Variants in SLC16A7 observed in about 807,000 individuals in gnomAD.
SLC16A7 encodes the protein solute carrier family 16 member 7.
In SLC16A7, 33 loss-of-function variants were observed where a neutral mutation model predicts 34.9. The ratio of observed to expected loss-of-function variants is 0.94; its 90% confidence interval spans 0.72 to 1.26. The LOEUF is 1.26. Among genes scored for constraint, SLC16A7 ranks in the 50% most tolerant of loss-of-function variants. The pLI, the probability that SLC16A7 is intolerant of heterozygous loss-of-function variation, is 0.00. For synonymous variants in SLC16A7, 201 were observed against 206.6 expected, an observed-to-expected ratio of 0.97 and a Z score of 0.23; for missense variants, 573 against 578.1, an observed-to-expected ratio of 0.99 and a Z score of 0.09.
chr12:59,709,938 G>A (rs1874030883), intron 3 of SLC16A7, among the ~76,000 whole-genome samples: 1 of 151,478 alleles, frequency 6.6e-6, no homozygotes, highest in African/African-American at 2.4e-5. Flanking sequence ...TGGACAAGGT[G>A]GTTTGATCTG....
At chr12:59,714,253 G>A (rs1177184049) in intron 3 of SLC16A7, among the ~76,000 whole-genome samples, 1 of 152,182 alleles carries the variant, frequency 6.6e-6, no homozygotes, top group Non-Finnish European at 1.5e-5. Context: ...AAACCTACTG[G>A]AAATGATCCT....
intron 2 of SLC16A7, among the ~76,000 whole-genome samples, chr12:59,663,196 A>G (rs1868950470): frequency 1.3e-5 from 2 of 152,000 alleles, no homozygotes; most frequent in Admixed American, 1.3e-4. Context: ...ATGTCTTTGT[A>G]TTTCTCTTCT....
intron 2 of SLC16A7, among the ~76,000 whole-genome samples, chr12:59,685,616 G>A (rs992609003): frequency 1.4e-4 from 22 of 152,060 alleles, no homozygotes; most frequent in African/African-American, 5.3e-4. Context: ...ATTCCCACCT[G>A]CTAGTCGTAT....
chr12:59,740,148 G>A (rs1229521179), intron 3 of SLC16A7, among the ~76,000 whole-genome samples: 1 of 151,404 alleles, frequency 6.6e-6, no homozygotes, highest in Non-Finnish European at 1.5e-5. Flanking sequence ...GTAATGCCTA[G>A]GTTTTCTTCT....
At chr12:59,718,255 G>A (rs1168354797) in intron 3 of SLC16A7, among the ~76,000 whole-genome samples, 1 of 151,900 alleles carries the variant, frequency 6.6e-6, no homozygotes, top group African/African-American at 2.4e-5. Flanking sequence ...TTATTCCTTT[G>A]GAGTGCTTAA....
intron 1 of SLC16A7, among the ~76,000 whole-genome samples, chr12:59,603,154 A>G (rs1279107388): frequency 6.6e-6 from 1 of 152,186 alleles, no homozygotes; most frequent in Non-Finnish European, 1.5e-5. Context: ...CAGAAGTTTC[A>G]GGTGCTTTTG....
At chr12:59,650,041 A>C (rs970112160) in intron 1 of SLC16A7, among the ~76,000 whole-genome samples, 1 of 152,096 alleles carries the variant, frequency 6.6e-6, no homozygotes, top group African/African-American at 2.4e-5. Context: ...ATTGCATTGT[A>C]TTAATTTAAT....
At chr12:59,757,459 A>C (rs1028669139) in intron 3 of SLC16A7, among the ~76,000 whole-genome samples, 2 of 152,096 alleles carry the variant, frequency 1.3e-5, no homozygotes, top group Non-Finnish European at 2.9e-5. Context: ...AATCTGACAG[A>C]GGGTTCTAAT....
chr12:59,665,756 C>A (rs182245018), intron 2 of SLC16A7, among the ~76,000 whole-genome samples: 8 of 151,930 alleles, frequency 5.3e-5, no homozygotes, highest in Non-Finnish European at 8.8e-5. Flanking sequence ...TATATACACA[C>A]ACACACACAT....
chr12:59,694,015 T>G (rs1413706132), intron 2 of SLC16A7, among the ~76,000 whole-genome samples: 2 of 151,924 alleles, frequency 1.3e-5, no homozygotes, highest in Non-Finnish European at 2.9e-5. Context: ...TGAAAATAAA[T>G]TATTTGTATT....
intron 3 of SLC16A7, among the ~76,000 whole-genome samples, chr12:59,759,184 A>AGCATATAT (rs1880739910): frequency 6.6e-6 from 1 of 152,012 alleles, no homozygotes; most frequent in South Asian, 2.1e-4. Context: ...ATTTTATAGT[A>AGCATATAT]TTTAGGGTAG....
intron 2 of SLC16A7, among the ~76,000 whole-genome samples, chr12:59,703,622 A>G (rs565607010): frequency 3.1e-4 from 47 of 152,200 alleles, no homozygotes; most frequent in Non-Finnish European, 6.0e-4. Context: ...TAATTAAAAA[A>G]CATTTTAGGG....
intron 1 of SLC16A7, among the ~76,000 whole-genome samples, chr12:59,651,292 T>C (rs1189850677): frequency 6.6e-6 from 1 of 152,206 alleles, no homozygotes; most frequent in Non-Finnish European, 1.5e-5. Context: ...ATAATTTTGT[T>C]AAAGTTTTGA....
intron 3 of SLC16A7, among the ~76,000 whole-genome samples, chr12:59,757,833 C>T (rs1193183870): frequency 6.6e-6 from 1 of 152,104 alleles, no homozygotes; most frequent in Non-Finnish European, 1.5e-5. Context: ...AATATACTTT[C>T]TCTTCCTTAT....
At chr12:59,606,363 C>A (rs138157817) in intron 1 of SLC16A7, among the ~76,000 whole-genome samples, 1 of 152,074 alleles carries the variant, frequency 6.6e-6, no homozygotes, top group Non-Finnish European at 1.5e-5. Context: ...GATGTGATAG[C>A]GCACATAAAC....
intron 1 of SLC16A7, among the ~76,000 whole-genome samples, chr12:59,650,448 A>T (rs886488092): frequency 6.6e-6 from 1 of 152,128 alleles, no homozygotes; most frequent in African/African-American, 2.4e-5. Flanking sequence ...CAAAGTTGGA[A>T]TATTGTCTCT....
intron 1 of SLC16A7, among the ~76,000 whole-genome samples, chr12:59,626,674 A>G (rs1879943121): frequency 6.6e-6 from 1 of 151,736 alleles, no homozygotes. Flanking sequence ...ATCATATTAA[A>G]ATACAGGCCT....
intron 1 of SLC16A7, among the ~76,000 whole-genome samples, chr12:59,641,600 G>A (rs531213546): frequency 2.0e-4 from 30 of 151,916 alleles, no homozygotes; most frequent in African/African-American, 3.9e-4. Flanking sequence ...AAATTAGTCC[G>A]TTGTACAAAA....
chr12:59,678,808 T>A (rs1870517717), intron 2 of SLC16A7, among the ~76,000 whole-genome samples: 1 of 152,162 alleles, frequency 6.6e-6, no homozygotes, highest in South Asian at 2.1e-4. Flanking sequence ...CTGTTCATGA[T>A]GCACAGGCTG....
Sources: gnomAD v4.1 joint callset for allele counts (sites outside exome capture counted in the v4.1 genomes callset) on GRCh38, gnomAD v4.1.1 for gene constraint, MANE v1.5 for transcripts, NCBI Gene and HGNC (gene_info 2026-07-23, HGNC 2026-07-21) for gene names.